SGCD: variants seen among roughly 807,000 people sequenced by gnomAD.
SGCD encodes delta-sarcoglycan.
A neutral mutation model predicts 36.6 loss-of-function variants in SGCD; 18 were observed. That is an observed-to-expected ratio of 0.49 (90% CI 0.34 to 0.73). The LOEUF is 0.73. Among genes scored for constraint, SGCD ranks in the 30% least tolerant of loss-of-function variants. The probability of loss-of-function intolerance (pLI) is 0.01; values close to 1 mark genes in which losing one functional copy is unlikely to be tolerated. For missense variants in SGCD, 387 were observed against 346.7 expected, an observed-to-expected ratio of 1.12 and a Z score of -0.92; for synonymous variants, 133 against 130.6, an observed-to-expected ratio of 1.02 and a Z score of -0.12.
At chr5:155,772,068 T>C in the SGCD span, among the ~76,000 whole-genome samples, 2 of 152,164 alleles carry the variant, frequency 1.3e-5, no homozygotes, top group Non-Finnish European at 2.9e-5. Context: ...AATACTTGGT[T>C]TCCATAGTTA....
intron 1 of SGCD, among the ~76,000 whole-genome samples, chr5:156,098,948 A>G (rs1288495016): frequency 2.0e-5 from 3 of 152,064 alleles, no homozygotes; most frequent in African/African-American, 7.2e-5. Context: ...TTCCCAAATG[A>G]TCCTCTTGCT....
At chr5:156,694,558 A>G (rs1183891086) in intron 7 of SGCD, among the ~76,000 whole-genome samples, 1 of 152,210 alleles carries the variant, frequency 6.6e-6, no homozygotes, top group Admixed American at 6.5e-5. Flanking sequence ...GGGAAACAAG[A>G]TATTATTAAC....
chr5:155,752,025 A>G, the SGCD span, among the ~76,000 whole-genome samples: 1 of 152,222 alleles, frequency 6.6e-6, no homozygotes, highest in Admixed American at 6.5e-5. Flanking sequence ...GAGATAATAT[A>G]TGCAATGTCT....
At chr5:156,350,832 A>G (rs541642383) in intron 3 of SGCD, among the ~76,000 whole-genome samples, 31 of 152,162 alleles carry the variant, frequency 2.0e-4, no homozygotes, top group Non-Finnish European at 3.2e-4. Flanking sequence ...TTTAACTTTC[A>G]TAACTCTACA....
At chr5:156,171,891 C>A (rs1314114158) in intron 3 of SGCD, among the ~76,000 whole-genome samples, 1 of 152,082 alleles carries the variant, frequency 6.6e-6, no homozygotes, top group Non-Finnish European at 1.5e-5. Flanking sequence ...AGTTATGAAA[C>A]CCCGGCCATT....
At chr5:156,046,985 T>G (rs1759781549) in intron 1 of SGCD, among the ~76,000 whole-genome samples, 1 of 151,982 alleles carries the variant, frequency 6.6e-6, no homozygotes, top group Non-Finnish European at 1.5e-5. Context: ...CATGAATGAT[T>G]AAAACAAAAA....
intron 1 of SGCD, among the ~76,000 whole-genome samples, chr5:155,919,598 G>C (rs1756828952): frequency 6.6e-6 from 1 of 152,098 alleles, no homozygotes; most frequent in African/African-American, 2.4e-5. Context: ...TTAAAACCTT[G>C]TTCCCCAGAA....
At chr5:156,094,319 A>G (rs1448239665) in intron 1 of SGCD, among the ~76,000 whole-genome samples, 1 of 152,106 alleles carries the variant, frequency 6.6e-6, no homozygotes, top group Non-Finnish European at 1.5e-5. Flanking sequence ...GGGCATTTTA[A>G]AAGGGTGAGA....
At chr5:156,080,221 G>A (rs1220269911) in intron 1 of SGCD, among the ~76,000 whole-genome samples, 2 of 152,196 alleles carry the variant, frequency 1.3e-5, no homozygotes, top group African/African-American at 2.4e-5. Context: ...GCCTCCTGGG[G>A]TGGTGGAGTG....
intron 1 of SGCD, among the ~76,000 whole-genome samples, chr5:155,953,744 A>T (rs1757589352): frequency 6.6e-6 from 1 of 152,204 alleles, no homozygotes; most frequent in South Asian, 2.1e-4. Context: ...AAGACCTCAG[A>T]GTTCCTTCCC....
At chr5:156,238,236 C>T (rs1346038022) in intron 3 of SGCD, among the ~76,000 whole-genome samples, 1 of 152,190 alleles carries the variant, frequency 6.6e-6, no homozygotes, top group Non-Finnish European at 1.5e-5. Flanking sequence ...AACCACTGCA[C>T]CTGACCTAAG....
chr5:156,095,362 CT>C (rs1490599179), intron 1 of SGCD, among the ~76,000 whole-genome samples: 1 of 152,112 alleles, frequency 6.6e-6, no homozygotes. Context: ...ATAGAGATAA[CT>C]GAAGGGCAAC....
the SGCD span, among the ~76,000 whole-genome samples, chr5:155,840,514 G>A: frequency 6.7e-5 from 10 of 148,928 alleles, no homozygotes; most frequent in South Asian, 2.1e-3. Flanking sequence ...TGGTCTTGAT[G>A]TCCTGACCTC....
At chr5:155,751,371 T>C in the SGCD span, among the ~76,000 whole-genome samples, 1 of 152,172 alleles carries the variant, frequency 6.6e-6, no homozygotes, top group African/African-American at 2.4e-5. Flanking sequence ...TCTGAAATGA[T>C]TGTGTGCGTT....
chr5:156,621,671 C>T (rs899336506), intron 6 of SGCD, among the ~76,000 whole-genome samples: 3 of 152,134 alleles, frequency 2.0e-5, no homozygotes, highest in African/African-American at 7.2e-5. Flanking sequence ...TCAGTCCAAG[C>T]GTTGGAAGCA....
At chr5:156,082,640 G>C (rs1760986685) in intron 1 of SGCD, among the ~76,000 whole-genome samples, 1 of 152,058 alleles carries the variant, frequency 6.6e-6, no homozygotes, top group Non-Finnish European at 1.5e-5. Flanking sequence ...AATGACATCT[G>C]GCCTGATTTC....
intron 4 of SGCD, among the ~76,000 whole-genome samples, chr5:156,521,952 C>G (rs945990335): frequency 6.6e-6 from 1 of 152,144 alleles, no homozygotes; most frequent in African/African-American, 2.4e-5. Context: ...ACCCAAATGC[C>G]CATCAGTGGT....
chr5:156,091,080 T>C (rs1761230700), intron 1 of SGCD, among the ~76,000 whole-genome samples: 1 of 152,186 alleles, frequency 6.6e-6, no homozygotes, highest in East Asian at 1.9e-4. Flanking sequence ...TGAGGTGACA[T>C]ACATCCTCAG....
intron 1 of SGCD, among the ~76,000 whole-genome samples, chr5:156,106,839 A>C (rs1201135642): frequency 6.6e-6 from 1 of 152,168 alleles, no homozygotes; most frequent in Non-Finnish European, 1.5e-5. Flanking sequence ...ACACTTTGAC[A>C]TTTATCTTTA....
Sources: gnomAD v4.1 joint callset for allele counts (sites outside exome capture counted in the v4.1 genomes callset) on GRCh38, gnomAD v4.1.1 for gene constraint, MANE v1.5 for transcripts, NCBI Gene and HGNC (gene_info 2026-07-23, HGNC 2026-07-21) for gene names.